ARHGEF3: variants seen among roughly 807,000 people sequenced by gnomAD.
ARHGEF3 encodes 59.8 kDA protein.
In ARHGEF3, 28 loss-of-function variants were observed where a neutral mutation model predicts 63.2. That is an observed-to-expected ratio of 0.44 (90% CI 0.33 to 0.61). The LOEUF (loss-of-function observed/expected upper bound fraction) is 0.61. Among genes scored for constraint, ARHGEF3 ranks in the 20% least tolerant of loss-of-function variants. ARHGEF3 has a pLI of 0.03. For missense variants in ARHGEF3, 533 were observed against 659.3 expected (o/e 0.81, Z 2.10); for synonymous variants, 266 against 254.2 (o/e 1.05, Z -0.44).
At chr3:56,827,029 C>A (rs2038739845) in intron 4 of ARHGEF3, among the ~76,000 whole-genome samples, 1 of 152,030 alleles carries the variant, frequency 6.6e-6, no homozygotes, top group South Asian at 2.1e-4. Context: ...AGAAGATGGG[C>A]CTTTCCCTAG....
intron 2 of ARHGEF3, among the ~76,000 whole-genome samples, chr3:56,765,860 T>C (rs182031727): frequency 6.6e-6 from 1 of 152,180 alleles, no homozygotes; most frequent in Non-Finnish European, 1.5e-5. Context: ...AACAGAAATA[T>C]ATAATGAAAA....
chr3:56,999,439 A>C (rs34614253), intron 2 of ARHGEF3, among the ~76,000 whole-genome samples: 1 of 152,274 alleles, frequency 6.6e-6, no homozygotes, highest in East Asian at 1.9e-4. Context: ...ACTATGAAAA[A>C]TACTATTAAA....
intron 2 of ARHGEF3, among the ~76,000 whole-genome samples, chr3:57,031,881 A>G (rs960437032): frequency 1.3e-5 from 2 of 152,050 alleles, no homozygotes; most frequent in African/African-American, 4.8e-5. Context: ...TCATTTCATC[A>G]CTCTAGGTCT....
chr3:56,747,483 T>C (rs1166220922), intron 6 of ARHGEF3, among the ~76,000 whole-genome samples: 4 of 152,166 alleles, frequency 2.6e-5, no homozygotes, highest in Non-Finnish European at 5.9e-5. Flanking sequence ...GTGAATAATG[T>C]ACAAGATCTG....
At chr3:56,958,816 C>G (rs1700158229) in intron 3 of ARHGEF3, 1 of 1,550,752 alleles carries the variant, frequency 6.4e-7, no homozygotes, top group Admixed American at 2.0e-5. Flanking sequence ...CCCAGGGCAA[C>G]ACTTACCCCT....
chr3:57,050,112 T>A (rs576004753), intron 1 of ARHGEF3, among the ~76,000 whole-genome samples: 2 of 152,290 alleles, frequency 1.3e-5, no homozygotes, highest in African/African-American at 4.8e-5. Flanking sequence ...GTAGGTCCAA[T>A]CAGCAACTAA....
intron 2 of ARHGEF3, among the ~76,000 whole-genome samples, chr3:57,024,432 G>C (rs756222290): frequency 4.6e-5 from 7 of 151,920 alleles, no homozygotes; most frequent in African/African-American, 7.3e-5. Flanking sequence ...CCTGTATATG[G>C]CTTATTTCTG....
At chr3:56,952,075 T>C (rs1699838230) in intron 3 of ARHGEF3, among the ~76,000 whole-genome samples, 1 of 151,970 alleles carries the variant, frequency 6.6e-6, no homozygotes, top group Non-Finnish European at 1.5e-5. Context: ...TCATGGGATA[T>C]CACCCCCATG....
chr3:56,950,573 C>A (rs1311588467), intron 3 of ARHGEF3, among the ~76,000 whole-genome samples: 1 of 152,032 alleles, frequency 6.6e-6, no homozygotes, highest in Non-Finnish European at 1.5e-5. Flanking sequence ...ATCAAAAGCA[C>A]AATGAGATAC....
chr3:57,024,628 C>T (rs1342463524), intron 2 of ARHGEF3, among the ~76,000 whole-genome samples: 2 of 152,144 alleles, frequency 1.3e-5, no homozygotes, highest in African/African-American at 4.8e-5. Context: ...GCTGGGACTA[C>T]AGGCACCCGC....
chr3:56,790,298 C>G (rs2037016015), intron 1 of ARHGEF3, among the ~76,000 whole-genome samples: 1 of 152,224 alleles, frequency 6.6e-6, no homozygotes, highest in Admixed American at 6.5e-5. Flanking sequence ...CTGATGCTCT[C>G]TCCTTCAAAG....
At chr3:57,060,117 C>G (rs779645410) in intron 1 of ARHGEF3, among the ~76,000 whole-genome samples, 1 of 152,010 alleles carries the variant, frequency 6.6e-6, no homozygotes, top group Non-Finnish European at 1.5e-5. Flanking sequence ...CCTAGGAGTT[C>G]AAGAGCTGAC....
chr3:56,751,255 A>G, intron 5 of ARHGEF3, 45 bp downstream of exon 5: 1 of 1,566,198 alleles, frequency 6.4e-7, no homozygotes, highest in Non-Finnish European at 8.8e-7. Context: ...AAGACAACTC[A>G]GTTAAGGCTA....
In ARHGEF3 at chr3:56,966,535, G is replaced by A. The variant is rs114237515; in HGVS notation, c.63-7646C>T. Among the ~76,000 whole-genome samples, 301 of 152,318 alleles carry A rather than the reference G, an allele frequency of 2.0e-3. 4 individuals carry two copies. The highest frequency in any genetic ancestry group is 6.8e-3 in the African/African-American group (284 of 41,574). ...GGAAGGAGGCAGAAAGGCATGAGAT[G>A]AGGCTGGATAGGTGGGCAAGGCTGG... is the stretch of plus-strand genomic sequence containing the variant. On this transcript the variant is annotated intron_variant, in intron 2 of 12. Coordinates refer to the ARHGEF3 transcript ENST00000338458.
chr3:56,731,282 G>A (rs2033138981), intron 9 of ARHGEF3, among the ~76,000 whole-genome samples: 1 of 152,152 alleles, frequency 6.6e-6, no homozygotes, highest in Admixed American at 6.5e-5. Flanking sequence ...TGTAATCCCA[G>A]CACTTTGGGA....
intron 4 of ARHGEF3, among the ~76,000 whole-genome samples, chr3:56,840,931 C>A (rs1379848115): frequency 6.6e-6 from 1 of 152,010 alleles, no homozygotes; most frequent in Non-Finnish European, 1.5e-5. Context: ...TTTTTAAAAA[C>A]TGTAAGATTA....
intron 2 of ARHGEF3, among the ~76,000 whole-genome samples, chr3:57,032,015 ACT>A (rs1209081801): frequency 6.6e-6 from 1 of 152,072 alleles, no homozygotes; most frequent in African/African-American, 2.4e-5. Context: ...TTGAAATTGC[ACT>A]CTGTCTGCAA....
intron 3 of ARHGEF3, among the ~76,000 whole-genome samples, chr3:56,919,964 T>C (rs2042084400): frequency 6.6e-6 from 1 of 152,206 alleles, no homozygotes; most frequent in African/African-American, 2.4e-5. Context: ...TGCTCTGGGA[T>C]ATTCAAGAAT....
rs769398472 is a variant in ARHGEF3 at position 56,727,885 on chromosome 3, T to TA, written c.*1384dup. 17 of 152,764 alleles carry TA rather than the reference T, an allele frequency of 1.1e-4. No individual in the cohort carries two copies. In the East Asian group the frequency reaches 3.3e-3, roughly 29 times the overall value. 9.5% of individuals were successfully genotyped at this position (152,764 alleles called of 1,614,324 possible). On this transcript the variant is annotated 3_prime_UTR_variant, in exon 10 of 10. Coordinates refer to ENST00000296315, the MANE Select transcript of ARHGEF3 (RefSeq NM_019555.3). ...GAATGCACATGATATATGTACATAA[T>TA]AAAATGACATCAATGCATTTACTGC...
Sources: allele counts gnomAD v4.1 joint callset (sites outside exome capture counted in the v4.1 genomes callset), GRCh38; gene constraint gnomAD v4.1.1; transcripts MANE v1.5; gene names NCBI Gene and HGNC (gene_info 2026-07-23, HGNC 2026-07-21).